GSTM5: variants seen among roughly 807,000 people sequenced by gnomAD.
GSTM5 encodes the protein GST class-mu 5.
A neutral mutation model predicts 29.0 loss-of-function variants in GSTM5; 24 were observed. The observed-to-expected ratio is 0.83, with a 90% CI of 0.60 to 1.16. The LOEUF (loss-of-function observed/expected upper bound fraction) is 1.16, where lower values mean the gene tolerates loss of function less well. Ranked by LOEUF, GSTM5 falls within the 50% of genes most tolerant of loss-of-function variation. The pLI, the probability that GSTM5 is intolerant of heterozygous loss-of-function variation, is 0.00. For synonymous variants in GSTM5, 91 were observed against 93.6 expected (o/e 0.97, Z 0.16); for missense variants, 290 against 263.0 (o/e 1.10, Z -0.71).
intron 2 of GSTM5, 58 bp downstream of exon 2, chr1:109,712,751 C>A: frequency 1.3e-6 from 2 of 1,579,674 alleles, no homozygotes; most frequent in South Asian, 2.2e-5. Flanking sequence ...CACCAAGCAA[C>A]CCATGGTGGC....
At chr1:109,717,173 T>A in intron 7 of GSTM5, 164 bp from the exon 8 acceptor site, 4 of 568,818 alleles carry the variant, frequency 7.0e-6, no homozygotes, top group South Asian at 4.2e-5. Flanking sequence ...GTTGGAAGAG[T>A]TAACTTAGAA....
At chr1:109,715,534 G>A (rs1350950138) in intron 7 of GSTM5, 9 of 1,436,538 alleles carry the variant, frequency 6.3e-6, no homozygotes, top group Non-Finnish European at 8.2e-6. Flanking sequence ...GGCTCCCTGT[G>A]AGCCTCTGGA....
chr1:109,714,822 G>T lies in GSTM5; in HGVS notation c.361-125G>T. The T allele has an allele frequency of 2.3e-6, 2 of 868,794 alleles. 1 individual carries two copies. Among genetic ancestry groups the T allele is most frequent in the South Asian group, 2.8e-5 (2 of 71,134 alleles). 53.8% of individuals were successfully genotyped at this position (868,794 alleles called of 1,614,324 possible). A position where few individuals can be genotyped will look rare whatever the true frequency, so the allele number is the denominator to read the frequency against. ...CCAATTGAAGCCTGGGCACTGCCCC[G>T]GTTTTAGTTGTGGGGAAGATGGCTG... is the stretch of plus-strand genomic sequence containing the variant. On this transcript the variant is annotated intron_variant, in intron 5 of 7. Transcript: ENST00000256593.
intron 3 of GSTM5, 35 bp from the exon 4 acceptor site, chr1:109,713,449 C>A (rs1648634504): frequency 6.2e-7 from 1 of 1,613,798 alleles, no homozygotes; most frequent in Admixed American, 1.7e-5. Context: ...AGCCTGGTGG[C>A]CCAACTGAGC....
chr1:109,712,446 T>C, intron 1 of GSTM5, 98 bp downstream of exon 1: 2 of 1,287,080 alleles, frequency 1.6e-6, no homozygotes, highest in Admixed American at 1.8e-5. Flanking sequence ...TCTTCAGGGC[T>C]GCCCGCCTCA....
chr1:109,712,593 C>A (rs1382426554), intron 1 of GSTM5, 25 bp from the exon 2 acceptor site: 8 of 1,613,182 alleles, frequency 5.0e-6, no homozygotes, highest in Non-Finnish European at 5.1e-6. Flanking sequence ...CATCTCTGAC[C>A]CGAGCCGCGG....
chr1:109,712,216 G>C (rs922628474), upstream of GSTM5: 1 of 1,330,596 alleles, frequency 7.5e-7, no homozygotes, highest in Middle Eastern at 1.8e-4. Flanking sequence ...CGAGGGGCGG[G>C]GTCGCAGCAA....
rs1260540683 is a variant in GSTM5, at chr1:109,712,341, T to G, written c.29T>G (p.Ile10Ser). 2.5e-6 allele frequency: 4 copies of G among 1,613,808 alleles called. No individual in the cohort carries two copies. Among genetic ancestry groups the G allele is most frequent in the Admixed American group, 1.7e-5 (1 of 59,984 alleles). The change falls in exon 1 of 8, where the codon ATC becomes AGC. Residue 10 changes from isoleucine (I) to serine (S), a missense_variant. Coordinates refer to ENST00000256593, the MANE Select transcript of GSTM5 (RefSeq NM_000851.4). MPMTLGYWD[I>S]RGLAHAIRLL... ...CCCATGACTCTGGGGTACTGGGACATCCGTGGGGTAAGCGAGGGTCCTCTG... is the reference window on the plus strand; with the variant it reads ...CCCATGACTCTGGGGTACTGGGACAGCCGTGGGGTAAGCGAGGGTCCTCTG...
At position 109,717,686 on chromosome 1, in the gene GSTM5, C is replaced by G; in HGVS notation, c.*260C>G. ...TTTCCCTGCACTAACGCCAACCTGA[C>G]TGCTTTTCCTGTCAGTGCTTTTCTC... On this transcript the variant is annotated 3_prime_UTR_variant, in exon 8 of 8. Coordinates refer to ENST00000256593, the MANE Select transcript of GSTM5 (RefSeq NM_000851.4). The G allele has an allele frequency of 4.7e-6, 2 of 423,472 alleles. No individual in the cohort carries two copies. The highest frequency in any genetic ancestry group is 8.8e-6 in the Non-Finnish European group (2 of 226,950). The allele number at this position is 423,472 out of a possible 1,614,324, so 26.2% of individuals were successfully genotyped here. A position where few individuals can be genotyped will look rare whatever the true frequency, so the allele number is the denominator to read the frequency against.
chr1:109,712,983 C>T (rs565116209), intron 2 of GSTM5, 136 bp from the exon 3 acceptor site: 24 of 1,032,144 alleles, frequency 2.3e-5, no homozygotes, highest in African/African-American at 9.3e-5. Flanking sequence ...TCTCCCTGAA[C>T]CCTGGGATGT....
intron 5 of GSTM5, 50 bp from the exon 6 acceptor site, chr1:109,714,897 T>C (rs777824250): frequency 3.1e-6 from 5 of 1,594,728 alleles, no homozygotes; most frequent in African/African-American, 1.3e-5. Flanking sequence ...AGGCCACGTC[T>C]GTGCAGGGAG....
At chr1:109,713,603 A>T (rs373553495) in intron 4 of GSTM5, 38 bp downstream of exon 4, 1 of 1,613,712 alleles carries the variant, frequency 6.2e-7, no homozygotes, top group African/African-American at 1.3e-5. Flanking sequence ...GGGGAAGGTG[A>T]CCTCCTCCTT....
intron 2 of GSTM5, 133 bp downstream of exon 2, chr1:109,712,826 C>T (rs757332183): frequency 1.2e-4 from 123 of 1,067,078 alleles, no homozygotes; most frequent in Non-Finnish European, 1.6e-4. Flanking sequence ...CCTGAGCTCC[C>T]GTGAGTGAGC....
chr1:109,712,257 A>G lies in GSTM5; in HGVS notation c.-56A>G. On this transcript the variant is annotated 5_prime_UTR_variant, in exon 1 of 8. Coordinates refer to ENST00000256593, the MANE Select transcript of GSTM5 (RefSeq NM_000851.4). The stretch of plus-strand genomic sequence containing the variant: ...CGCCTGTCCCCTCCTGGGCCTCTCA[A>G]AGTCTGAGCCCCGCTCCGCTGATGC... 6.2e-7 allele frequency: 1 copy of G among 1,602,618 alleles called. No individual in the cohort carries two copies. The highest frequency in any genetic ancestry group is 1.1e-5 in the South Asian group (1 of 90,852).
chr1:109,712,056 G>T (rs1758104), upstream of GSTM5, among the ~76,000 whole-genome samples: 126,096 of 152,130 alleles, frequency 0.83, 52,498 homozygotes, highest in African/African-American at 0.9. Flanking sequence ...GGGGAAGCTG[G>T]CGAGGCCGAG....
At chr1:109,712,918 C>G in intron 2 of GSTM5, 1 of 858,502 alleles carries the variant, frequency 1.2e-6, no homozygotes, top group Non-Finnish European at 1.9e-6. Flanking sequence ...CAGAGCTTCC[C>G]TAAACCCTGG....
chr1:109,715,478 G>A lies in GSTM5; in HGVS notation c.567+238G>A, dbSNP rs376461106. On this transcript the variant is annotated intron_variant, in intron 7 of 7. Coordinates refer to ENST00000256593, the MANE Select transcript of GSTM5 (RefSeq NM_000851.4). ...GAGATAAGAAAACTGAGAATGAGAG[G>A]GTCAGTCCTTTGCTCAGGGTCCCAG... is the stretch of plus-strand genomic sequence containing the variant. 1.5e-5 allele frequency: 23 copies of A among 1,501,806 alleles called. 1 individual carries two copies. The South Asian group carries it at 3.0e-4, about 19-fold the overall frequency. The allele number at this position is 1,501,806 out of a possible 1,614,324, so 93.0% of individuals were successfully genotyped here.
upstream of GSTM5, chr1:109,712,140 T>A (rs1264567314): frequency 2.8e-6 from 2 of 722,410 alleles, no homozygotes; most frequent in East Asian, 5.3e-5. Context: ...AGGGGGCTTA[T>A]TGATTCCAGC....
intron 3 of GSTM5, 78 bp downstream of exon 3, chr1:109,713,261 G>A (rs1475401468): frequency 6.2e-7 from 1 of 1,602,666 alleles, no homozygotes; most frequent in Non-Finnish European, 8.5e-7. Flanking sequence ...CACCTTAGAG[G>A]TGTTAAGATC....
Sources: gnomAD v4.1 joint callset for allele counts (sites outside exome capture counted in the v4.1 genomes callset) on GRCh38, gnomAD v4.1.1 for gene constraint, MANE v1.5 for transcripts, NCBI Gene and HGNC (gene_info 2026-07-23, HGNC 2026-07-21) for gene names.